The following CSMD1 variants were observed in gnomAD, a reference collection of about 807,000 sequenced individuals.
CSMD1 encodes CUB and sushi domain-containing protein 1.
CSMD1 carries 213 observed loss-of-function variants against 417.5 expected under a neutral mutation model. That is an observed-to-expected ratio of 0.51 (90% CI 0.46 to 0.57). CSMD1 has a LOEUF of 0.57. Ranked by LOEUF, CSMD1 falls within the 20% of genes least tolerant of loss-of-function variation. The pLI is 0.00. For synonymous variants in CSMD1, 2,862 were observed against 1,736.8 expected (o/e 1.65, Z -16.11); for missense variants, 6,923 against 4,529.7 (o/e 1.53, Z -15.17).
intron 2 of CSMD1, among the ~76,000 whole-genome samples, chr8:4,636,742 G>C (rs1021996826): frequency 6.6e-6 from 1 of 152,126 alleles, no homozygotes; most frequent in Non-Finnish European, 1.5e-5. Context: ...TGCACAATTT[G>C]CCACAAGTTG....
chr8:4,977,637 C>A (rs1002586250), intron 1 of CSMD1, among the ~76,000 whole-genome samples: 1 of 152,200 alleles, frequency 6.6e-6, no homozygotes, highest in African/African-American at 2.4e-5. Context: ...TGCTGCCTTA[C>A]CCCACGTGCA....
chr8:3,225,012 C>T (rs994601795), intron 27 of CSMD1, among the ~76,000 whole-genome samples: 13 of 152,152 alleles, frequency 8.5e-5, no homozygotes, highest in African/African-American at 3.1e-4. Flanking sequence ...TGTCTTATTT[C>T]ATTCCCATTA....
At chr8:3,843,533 A>G (rs1189956662) in intron 5 of CSMD1, among the ~76,000 whole-genome samples, 1 of 152,066 alleles carries the variant, frequency 6.6e-6, no homozygotes, top group South Asian at 2.1e-4. Context: ...AAACTATATA[A>G]AAGTAAAAAA....
At chr8:3,479,079 G>C (rs968157125) in intron 11 of CSMD1, among the ~76,000 whole-genome samples, 2 of 151,974 alleles carry the variant, frequency 1.3e-5, no homozygotes, top group Admixed American at 6.6e-5. Flanking sequence ...CCAGCAGAAA[G>C]CAGTGGAGAC....
intron 2 of CSMD1, among the ~76,000 whole-genome samples, chr8:4,446,050 G>C (rs1798769369): frequency 6.6e-6 from 1 of 152,162 alleles, no homozygotes; most frequent in Non-Finnish European, 1.5e-5. Context: ...AGCCCAAGAA[G>C]AGGAGACGAG....
At chr8:4,684,290 G>T (rs1384953669) in intron 1 of CSMD1, among the ~76,000 whole-genome samples, 4 of 152,190 alleles carry the variant, frequency 2.6e-5, no homozygotes, top group East Asian at 3.8e-4. Flanking sequence ...CAAAAAATAG[G>T]AGCGCAGACT....
chr8:4,653,618 G>T (rs1804046099), intron 1 of CSMD1, among the ~76,000 whole-genome samples: 1 of 152,094 alleles, frequency 6.6e-6, no homozygotes, highest in Non-Finnish European at 1.5e-5. Flanking sequence ...AACCACCAGT[G>T]ACAGAGAGTC....
intron 5 of CSMD1, among the ~76,000 whole-genome samples, chr8:3,964,096 A>G (rs1447272518): frequency 6.6e-6 from 1 of 152,240 alleles, no homozygotes; most frequent in East Asian, 1.9e-4. Flanking sequence ...TGTCAACAGT[A>G]AAAAGAACCT....
intron 1 of CSMD1, among the ~76,000 whole-genome samples, chr8:4,867,424 CT>C: frequency 6.6e-6 from 1 of 152,012 alleles, no homozygotes; most frequent in East Asian, 1.9e-4. Context: ...AAATACACCC[CT>C]GTAAATAAAG....
At chr8:4,377,163 G>T (rs1391763264) in intron 3 of CSMD1, among the ~76,000 whole-genome samples, 1 of 152,138 alleles carries the variant, frequency 6.6e-6, no homozygotes, top group African/African-American at 2.4e-5. Flanking sequence ...TAAACAGTGG[G>T]ATTATAGTGC....
chr8:4,132,427 CTATTTT>C (rs1396257466), intron 3 of CSMD1, among the ~76,000 whole-genome samples: 5 of 151,990 alleles, frequency 3.3e-5, no homozygotes, highest in African/African-American at 1.2e-4. Context: ...CCCATAGAAA[CTATTTT>C]TATTTAAAGG....
At chr8:4,150,201 C>T (rs975038254) in intron 3 of CSMD1, among the ~76,000 whole-genome samples, 14 of 152,182 alleles carry the variant, frequency 9.2e-5, no homozygotes, top group African/African-American at 3.4e-4. Context: ...CTTGTAGTCA[C>T]AGGATCGGCC....
intron 25 of CSMD1, among the ~76,000 whole-genome samples, chr8:3,306,357 G>C (rs1219883186): frequency 6.6e-6 from 1 of 152,118 alleles, no homozygotes; most frequent in Non-Finnish European, 1.5e-5. Flanking sequence ...TATTTTTAGT[G>C]GTGATGGAGT....
chr8:4,478,407 G>C lies in CSMD1; in HGVS notation c.303-58342C>G, dbSNP rs367915645. Among the ~76,000 whole-genome samples, 20 of 152,220 alleles carry C rather than the reference G, an allele frequency of 1.3e-4. No individual in the cohort carries two copies. The East Asian group carries it at 2.5e-3, about 19-fold the overall frequency. On this transcript the variant is annotated intron_variant, in intron 2 of 69. Coordinates refer to ENST00000635120, the MANE Select transcript of CSMD1 (RefSeq NM_033225.6). ...CAAGTCCAAAGTATTGAAATACTTTGTAAAGTTATATATCTTGTCAGTAAG... is the reference window on the plus strand; with the variant it reads ...CAAGTCCAAAGTATTGAAATACTTTCTAAAGTTATATATCTTGTCAGTAAG...
At chr8:4,033,038 C>G (rs1797431193) in intron 3 of CSMD1, among the ~76,000 whole-genome samples, 1 of 146,738 alleles carries the variant, frequency 6.8e-6, no homozygotes, top group South Asian at 2.2e-4. Context: ...AAACATTGGT[C>G]TCTTCAATAC....
chr8:3,586,846 C>A (rs2117003409), intron 8 of CSMD1, among the ~76,000 whole-genome samples: 1 of 152,322 alleles, frequency 6.6e-6, no homozygotes, highest in South Asian at 2.1e-4. Flanking sequence ...GTCACCCAGG[C>A]TGGAGTGCAG....
intron 7 of CSMD1, among the ~76,000 whole-genome samples, chr8:3,690,576 A>C (rs559411640): frequency 1.6e-4 from 24 of 152,314 alleles, no homozygotes; most frequent in Non-Finnish European, 2.5e-4. Context: ...AAGTGTTTTT[A>C]CATCAGTGAG....
chr8:3,019,203 C>A (rs908075364), intron 51 of CSMD1, among the ~76,000 whole-genome samples: 11 of 152,224 alleles, frequency 7.2e-5, no homozygotes, highest in Non-Finnish European at 1.5e-4. Context: ...CAGGCGTGAG[C>A]CACTGTGCCT....
chr8:4,526,915 C>G (rs563932765), intron 2 of CSMD1, among the ~76,000 whole-genome samples: 1 of 152,048 alleles, frequency 6.6e-6, no homozygotes, highest in African/African-American at 2.4e-5. Context: ...AACATGACTT[C>G]GTCAAGGTTA....
Sources: allele counts gnomAD v4.1 joint callset (sites outside exome capture counted in the v4.1 genomes callset), GRCh38; gene constraint gnomAD v4.1.1; transcripts MANE v1.5; gene names NCBI Gene and HGNC (gene_info 2026-07-23, HGNC 2026-07-21).